Variants in PRKAA1 observed in about 807,000 individuals in gnomAD.
PRKAA1 encodes the protein protein kinase AMP-activated catalytic subunit alpha 1.
Under a neutral mutation model 56.9 loss-of-function variants are expected in PRKAA1, and 23 were observed. The observed-to-expected ratio is 0.40, with a 90% CI of 0.29 to 0.57. The LOEUF is 0.57. Among genes scored for constraint, PRKAA1 ranks in the 20% least tolerant of loss-of-function variants. The pLI, the probability that PRKAA1 is intolerant of heterozygous loss-of-function variation, is 0.39. For missense variants in PRKAA1, 413 were observed against 679.7 expected (o/e 0.61, Z 4.36); for synonymous variants, 226 against 227.0 (o/e 1.00, Z 0.04).
In PRKAA1 at chr5:40,777,429, T is replaced by TA. The variant is rs869131019; in HGVS notation, c.269+15dup. ...GAAAAGATGACTGGACTATATTTAA[T>TA]ATAAACAGAGCTTACAGTTTAATTA... On this transcript the variant is annotated intron_variant, in intron 2 of 8. Coordinates refer to ENST00000397128, the MANE Select transcript of PRKAA1 (RefSeq NM_006251.6). 15 of 1,589,424 alleles carry TA rather than the reference T, an allele frequency of 9.4e-6. No homozygotes were observed. The East Asian group carries it at 3.4e-4, about 36-fold the overall frequency.
rs9687153 is a variant in PRKAA1 at position 40,775,104 on chromosome 5, C to G, written c.363+306G>C. On this transcript the variant is annotated intron_variant, in intron 3 of 8. Coordinates refer to ENST00000397128, the MANE Select transcript of PRKAA1 (RefSeq NM_006251.6). The stretch of plus-strand genomic sequence containing the variant: ...TACATATTCAAAGTATTTGTATACC[C>G]TGGAAGCATAAGTCTGAGGATTATG... The G allele has an allele frequency of 6.9e-4, 527 of 764,552 alleles. 2 individuals carry two copies. In the African/African-American group the frequency reaches 8.5e-3, roughly 12 times the overall value. The allele number at this position is 764,552 out of a possible 1,614,324, so 47.4% of individuals were successfully genotyped here.
Position 40,789,206 on chromosome 5 carries a change from G to A in PRKAA1, c.127+8857C>T, listed in dbSNP as rs545721593. On this transcript the variant is annotated intron_variant, in intron 1 of 8. Transcript: ENST00000397128. Reference sequence around the variant, plus strand: ...AGCCTGGGCAACAGAGTGAGACACTGTCTCAAAAATAAAAATAAAAAAAAA... The same window carrying A: ...AGCCTGGGCAACAGAGTGAGACACTATCTCAAAAATAAAAATAAAAAAAAA... Among the ~76,000 whole-genome samples, 3 of 151,906 alleles carry A rather than the reference G, an allele frequency of 2.0e-5. No individual in the cohort carries two copies. In the East Asian group the frequency reaches 5.8e-4, roughly 29 times the overall value.
chr5:40,779,788 G>A (rs1290452266), intron 1 of PRKAA1, among the ~76,000 whole-genome samples: 3 of 151,996 alleles, frequency 2.0e-5, no homozygotes, highest in South Asian at 2.1e-4. Flanking sequence ...TGAACAAAAC[G>A]GACATCTCTT....
rs369722345 is a variant in PRKAA1 at position 40,762,956 on chromosome 5, C to G, written c.1502G>C (p.Arg501Pro). ...ATCTGAATCACTCCTTTGGCAAGAT[C>G]GATAGTTGCTAACTGATCCCGATCT... ...PQRSGSVSNYRSCQRSDSDAE... is the reference protein window; with the variant it reads ...PQRSGSVSNYPSCQRSDSDAE... Residue 501 changes from arginine to proline, a missense_variant, in exon 9 of 9, where the codon CGA (arginine) becomes CCA (proline). Coordinates refer to ENST00000397128, the MANE Select transcript of PRKAA1 (RefSeq NM_006251.6). The G allele has an allele frequency of 3.7e-6, 6 of 1,613,958 alleles. No homozygotes were observed. Among genetic ancestry groups the G allele is most frequent in the Non-Finnish European group, 5.1e-6 (6 of 1,180,018 alleles).
chr5:40,766,704 G>GT (rs1173847635), intron 6 of PRKAA1, among the ~76,000 whole-genome samples: 2 of 152,082 alleles, frequency 1.3e-5, no homozygotes, highest in African/African-American at 4.8e-5. Flanking sequence ...CTACTGAAAA[G>GT]TATTAATCCT....
At chr5:40,768,866 C>T in intron 5 of PRKAA1, 2 of 1,550,036 alleles carry the variant, frequency 1.3e-6, no homozygotes, top group Non-Finnish European at 1.7e-6. Flanking sequence ...CGACACTGTA[C>T]AAATATCTTC....
In PRKAA1 at chr5:40,780,006, C is replaced by G. The variant is rs137945477; in HGVS notation, c.128-2420G>C. On this transcript the variant is annotated intron_variant, in intron 1 of 8. Transcript: ENST00000397128. ...AAATACATAGCATAGCAAATTGGCACTATGTGTGAAAGGGCAGAAGTCATA... is the reference window on the plus strand; with the variant it reads ...AAATACATAGCATAGCAAATTGGCAGTATGTGTGAAAGGGCAGAAGTCATA... Among the ~76,000 whole-genome samples, 931 of 152,190 alleles carry G rather than the reference C, an allele frequency of 6.1e-3. 12 individuals are homozygous for G. The highest frequency in any genetic ancestry group is 0.021 in the African/African-American group (881 of 41,526).
intron 1 of PRKAA1, among the ~76,000 whole-genome samples, chr5:40,790,572 GCT>G (rs1744678935): frequency 6.8e-6 from 1 of 146,592 alleles, no homozygotes; most frequent in South Asian, 2.1e-4. Context: ...ATGGAGCCTC[GCT>G]CTGTCGCCAG....
intron 4 of PRKAA1, among the ~76,000 whole-genome samples, chr5:40,769,926 C>T (rs1014473835): frequency 2.7e-5 from 4 of 149,842 alleles, no homozygotes; most frequent in African/African-American, 9.8e-5. Context: ...TTCAAAGTTC[C>T]CTCACAGTTT....
chr5:40,788,860 G>A (rs1292888604), intron 1 of PRKAA1, among the ~76,000 whole-genome samples: 1 of 151,492 alleles, frequency 6.6e-6, no homozygotes, highest in Non-Finnish European at 1.5e-5. Flanking sequence ...AACAAATAGA[G>A]TGAAGAGACA....
chr5:40,772,422 G>A (rs1398059797), intron 3 of PRKAA1, among the ~76,000 whole-genome samples: 1 of 151,664 alleles, frequency 6.6e-6, no homozygotes, highest in Non-Finnish European at 1.5e-5. Flanking sequence ...TTTAGACCAT[G>A]AGGAAGTAAT....
chr5:40,768,018 A>AT (rs1743548048), intron 5 of PRKAA1, among the ~76,000 whole-genome samples: 2 of 149,444 alleles, frequency 1.3e-5, no homozygotes, highest in Non-Finnish European at 3.0e-5. Context: ...AGATTAAGTG[A>AT]TATTTCATCA....
At position 40,764,766 on chromosome 5, in the gene PRKAA1, CCAATT is replaced by C; in HGVS notation, c.1289_1293del (p.Gln430ArgfsTer3). 1 of 1,610,928 alleles carries C rather than the reference CCAATT, an allele frequency of 6.2e-7. No individual in the cohort carries two copies. The highest frequency in any genetic ancestry group is 1.1e-5 in the South Asian group (1 of 90,922). ...TTCTTTCTTACCTTCCATTCATAATCCAATTGTTTGATTGCTCTACATACTTCTGC... is the reference window on the plus strand; with the variant it reads ...TTCTTTCTTACCTTCCATTCATAATCGTTTGATTGCTCTACATACTTCTGC... On this transcript the variant is annotated frameshift_variant, in exon 7 of 9. Transcript: ENST00000397128. LOFTEE classifies it high-confidence loss of function.
chr5:40,794,021 G>A (rs1744824124), intron 1 of PRKAA1, among the ~76,000 whole-genome samples: 1 of 151,628 alleles, frequency 6.6e-6, no homozygotes. Flanking sequence ...AGAATCACTT[G>A]AACCTGGGAG....
rs1743147086 is a variant in PRKAA1 at position 40,760,692 on chromosome 5, T to C, written c.*2086A>G. ...CCTGGACAAAAAGCAGCAAGATTTT[T>C]CTTTTGAATTCAGTGCATGATTCTA... On this transcript the variant is annotated 3_prime_UTR_variant, in exon 9 of 9. Coordinates refer to ENST00000397128, the MANE Select transcript of PRKAA1 (RefSeq NM_006251.6). 1 of 152,732 alleles carries C rather than the reference T, an allele frequency of 6.5e-6. No homozygotes were observed. Among genetic ancestry groups the C allele is most frequent in the Non-Finnish European group, 1.5e-5 (1 of 67,992 alleles). The allele number at this position is 152,732 out of a possible 1,614,324, so 9.5% of individuals were successfully genotyped here.
At chr5:40,790,451 G>A (rs991972706) in intron 1 of PRKAA1, among the ~76,000 whole-genome samples, 4 of 151,724 alleles carry the variant, frequency 2.6e-5, no homozygotes, top group African/African-American at 4.8e-5. Context: ...AGCCTATAGT[G>A]TTCCAGCTCG....
At chr5:40,774,353 A>G (rs535432217) in intron 3 of PRKAA1, among the ~76,000 whole-genome samples, 9 of 152,310 alleles carry the variant, frequency 5.9e-5, no homozygotes, top group Non-Finnish European at 8.8e-5. Context: ...TGTGAGGCAA[A>G]TAACAGCAGA....
At position 40,767,691 on chromosome 5, in the gene PRKAA1, C is replaced by A; in HGVS notation, c.597-1G>T. ...ATCTACCTCTGGGCCTGCATACAAT[C>A]TGTAACAGGAAATAACAATTGGATT... On this transcript the variant is annotated splice_acceptor_variant, in intron 5 of 8. Coordinates refer to ENST00000397128, the MANE Select transcript of PRKAA1 (RefSeq NM_006251.6). LOFTEE classifies it high-confidence loss of function. The A allele has an allele frequency of 6.3e-7, 1 of 1,588,208 alleles. No homozygotes were observed. Among genetic ancestry groups the A allele is most frequent in the Non-Finnish European group, 8.6e-7 (1 of 1,160,972 alleles).
chr5:40,764,285 G>A (rs1056371322), intron 8 of PRKAA1: 57 of 388,604 alleles, frequency 1.5e-4, no homozygotes, highest in Admixed American at 1.4e-3. Flanking sequence ...ACTACACCTG[G>A]CTTTAAGGAT....
Sources: gnomAD v4.1 joint callset for allele counts (sites outside exome capture counted in the v4.1 genomes callset) on GRCh38, gnomAD v4.1.1 for gene constraint, MANE v1.5 for transcripts, NCBI Gene and HGNC (gene_info 2026-07-23, HGNC 2026-07-21) for gene names.